GRHL2: variants seen among roughly 807,000 people sequenced by gnomAD.
GRHL2 encodes grainyhead like transcription factor 2.
Under a neutral mutation model 83.8 loss-of-function variants are expected in GRHL2, and 21 were observed. That is an observed-to-expected ratio of 0.25 (90% CI 0.18 to 0.36). The LOEUF (loss-of-function observed/expected upper bound fraction) is 0.36, where lower values mean the gene tolerates loss of function less well. Ranked by LOEUF, GRHL2 falls within the 10% of genes least tolerant of loss-of-function variation. The pLI, the probability that GRHL2 is intolerant of heterozygous loss-of-function variation, is 1.00. For synonymous variants in GRHL2, 280 were observed against 278.9 expected, an observed-to-expected ratio of 1.00 and a Z score of -0.04; for missense variants, 623 against 781.8, an observed-to-expected ratio of 0.80 and a Z score of 2.42.
At chr8:101,505,008 C>T (rs1423719401) in intron 1 of GRHL2, among the ~76,000 whole-genome samples, 1 of 146,092 alleles carries the variant, frequency 6.8e-6, no homozygotes, top group African/African-American at 2.5e-5. Flanking sequence ...GCTAAAAATA[C>T]AACAACAAAA....
At chr8:101,670,797 G>T (rs1221303646), downstream of GRHL2, among the ~76,000 whole-genome samples, 2 of 152,186 alleles carry the variant, frequency 1.3e-5, no homozygotes, top group Non-Finnish European at 2.9e-5. Context: ...GTGTCGTGAA[G>T]TTCAGTACCA....
At chr8:101,572,997 AAACCTTTATTT>A (rs1811857956) in intron 5 of GRHL2, among the ~76,000 whole-genome samples, 1 of 152,236 alleles carries the variant, frequency 6.6e-6, no homozygotes, top group South Asian at 2.1e-4. Context: ...GTGTTCCAAT[AAACCTTTATTT>A]ACAAAAACAG....
At position 101,559,353 on chromosome 8, in the gene GRHL2, C is replaced by CAAAAAAA. The variant is rs34176940; in HGVS notation, c.678+562_678+568dup. 6.0e-4 allele frequency among the ~76,000 whole-genome samples: 53 copies of CAAAAAAA among 88,938 alleles called. 2 individuals are homozygous for CAAAAAAA. The highest frequency in any genetic ancestry group is 2.1e-3 in the African/African-American group (52 of 24,198). The allele number at this position is 88,938 out of a possible 152,430, so 58.3% of individuals were successfully genotyped here. A position where few individuals can be genotyped will look rare whatever the true frequency, so the allele number is the denominator to read the frequency against. On this transcript the variant is annotated intron_variant, in intron 4 of 15. Transcript: ENST00000646743. ...TGAACTCCTGTCTCTACTAAAAATA[C>CAAAAAAA]AAAAAAAAAAAAAAAAAAAAAAAAA...
chr8:101,623,725 A>C (rs1813011282), intron 9 of GRHL2, among the ~76,000 whole-genome samples: 1 of 152,162 alleles, frequency 6.6e-6, no homozygotes. Context: ...TTTACAGTAC[A>C]CAGTAAAACA....
At position 101,669,164 on chromosome 8, in the gene GRHL2, C is replaced by A. The variant is rs536914437; in HGVS notation, c.*2461C>A. 1 of 150,934 alleles carries A rather than the reference C, an allele frequency of 6.6e-6. No individual in the cohort carries two copies. Among genetic ancestry groups the A allele is most frequent in the African/African-American group, 2.4e-5 (1 of 41,116 alleles). The allele number at this position is 150,934 out of a possible 1,614,324, so 9.3% of individuals were successfully genotyped here. Reference sequence around the variant, plus strand: ...ACTCCAAAGAGATAGGAAAACTTGCCGCCTCTTCTTTTTTGTCCCTTAATC... The same window carrying A: ...ACTCCAAAGAGATAGGAAAACTTGCAGCCTCTTCTTTTTTGTCCCTTAATC... On this transcript the variant is annotated 3_prime_UTR_variant, in exon 16 of 16. Coordinates refer to ENST00000646743, the MANE Select transcript of GRHL2 (RefSeq NM_024915.4).
chr8:101,652,365 GTGTGTCTGA>G (rs1813653160), intron 14 of GRHL2, among the ~76,000 whole-genome samples: 1 of 65,150 alleles, frequency 1.5e-5, no homozygotes, highest in Non-Finnish European at 2.8e-5. Context: ...TGTGGTGTGT[GTGTGTCTGA>G]TGTGTGTGTG....
At chr8:101,580,225 A>G (rs1183323001) in intron 7 of GRHL2, among the ~76,000 whole-genome samples, 1 of 152,202 alleles carries the variant, frequency 6.6e-6, no homozygotes, top group African/African-American at 2.4e-5. Context: ...ATATTTTGAT[A>G]CAGGCATACA....
intron 5 of GRHL2, among the ~76,000 whole-genome samples, chr8:101,571,491 A>T (rs1285032819): frequency 9.4e-5 from 1 of 10,680 alleles, no homozygotes; most frequent in African/African-American, 3.5e-4. Context: ...CCCATTACAT[A>T]AAAAAAAAAA....
At position 101,509,173 on chromosome 8, in the gene GRHL2, T is replaced by TCTTTCTTTCTTTC. The variant is rs377452481; in HGVS notation, c.20+16384_20+16385insCTTTCTTTCTTTC. Among the ~76,000 whole-genome samples, 16 of 22,860 alleles carry TCTTTCTTTCTTTC rather than the reference T, an allele frequency of 7.0e-4. 1 individual carries two copies. Among genetic ancestry groups the TCTTTCTTTCTTTC allele is most frequent in the South Asian group, 4.5e-3 (2 of 446 alleles). The allele number at this position is 22,860 out of a possible 152,430, so 15.0% of individuals were successfully genotyped here. ...TCCTTCCTTCCTTTCTTTCTTTCTT[T>TCTTTCTTTCTTTC]TTCTTTCTTTCTTTTCTCTCTTTCT... is the stretch of plus-strand genomic sequence containing the variant. On this transcript the variant is annotated intron_variant, in intron 1 of 15. Coordinates refer to ENST00000646743, the MANE Select transcript of GRHL2 (RefSeq NM_024915.4).
chr8:101,651,311 A>T (rs779164049), intron 14 of GRHL2, among the ~76,000 whole-genome samples: 1 of 152,238 alleles, frequency 6.6e-6, no homozygotes, highest in Non-Finnish European at 1.5e-5. Flanking sequence ...GCTTAAATGC[A>T]TATTCTCTGA....
At chr8:101,676,801 G>C in the GRHL2 span, among the ~76,000 whole-genome samples, 1 of 152,068 alleles carries the variant, frequency 6.6e-6, no homozygotes, top group South Asian at 2.1e-4. Flanking sequence ...GCAAAGACTT[G>C]GAACCAACCC....
In GRHL2 at chr8:101,543,368, G is replaced by A; in HGVS notation, c.148G>A (p.Ala50Thr). 6.2e-7 allele frequency: 1 copy of A among 1,614,124 alleles called. No individual in the cohort carries two copies. The highest frequency in any genetic ancestry group is 8.5e-7 in the Non-Finnish European group (1 of 1,179,978). ...GAATCCCCTGACAGCAGCCACCAAG[G>A]CCATGATGAGCATTAATGGTGATGA... is the stretch of plus-strand genomic sequence containing the variant. ...LENPLTAATK[A>T]MMSINGDEDS... is the part of the protein sequence containing the mutation. Residue 50 changes from alanine to threonine, a missense_variant, in exon 2 of 16, where the codon GCC (alanine) becomes ACC (threonine). Ala to Thr is a moderately conservative substitution (Grantham distance 58). This residue lies in a region of GRHL2 where 11 missense variants were observed against 46.1 expected (regional missense o/e 0.24). Coordinates refer to ENST00000646743, the MANE Select transcript of GRHL2 (RefSeq NM_024915.4).
chr8:101,495,639 A>C (rs1810084707), intron 1 of GRHL2, among the ~76,000 whole-genome samples: 1 of 152,188 alleles, frequency 6.6e-6, no homozygotes, highest in Admixed American at 6.5e-5. Context: ...TGATACTCAC[A>C]GGTGTTTTTC....
intron 7 of GRHL2, among the ~76,000 whole-genome samples, chr8:101,579,612 A>G (rs1812007899): frequency 6.6e-6 from 1 of 152,198 alleles, no homozygotes; most frequent in South Asian, 2.1e-4. Flanking sequence ...CCCAATCTCA[A>G]CCTGACATCT....
At chr8:101,567,079 C>G (rs1772580915) in intron 4 of GRHL2, among the ~76,000 whole-genome samples, 1 of 152,128 alleles carries the variant, frequency 6.6e-6, no homozygotes, top group African/African-American at 2.4e-5. Context: ...TATGATTTCC[C>G]TACAGTTAAA....
At chr8:101,571,582 G>A (rs1370122689) in intron 5 of GRHL2, among the ~76,000 whole-genome samples, 1 of 151,804 alleles carries the variant, frequency 6.6e-6, no homozygotes, top group Non-Finnish European at 1.5e-5. Flanking sequence ...ATTTCAGGCA[G>A]AATTGAACTC....
intron 4 of GRHL2, among the ~76,000 whole-genome samples, chr8:101,566,838 C>T (rs1430796026): frequency 6.6e-6 from 1 of 151,936 alleles, no homozygotes; most frequent in Non-Finnish European, 1.5e-5. Flanking sequence ...AGAATGCCTG[C>T]ACACAGTTTG....
intron 8 of GRHL2, among the ~76,000 whole-genome samples, chr8:101,605,897 ATC>A: frequency 6.6e-6 from 1 of 152,028 alleles, no homozygotes; most frequent in East Asian, 1.9e-4. Flanking sequence ...CATTTCCCCC[ATC>A]TCTCTCTAGC....
At chr8:101,501,007 T>G (rs879658932) in intron 1 of GRHL2, among the ~76,000 whole-genome samples, 11 of 152,244 alleles carry the variant, frequency 7.2e-5, no homozygotes, top group Non-Finnish European at 1.5e-4. Flanking sequence ...ATATTATTTG[T>G]AAAAAGAGCA....
Sources: gnomAD v4.1 joint callset for allele counts (sites outside exome capture counted in the v4.1 genomes callset) on GRCh38, gnomAD v4.1.1 for gene constraint, gnomAD v4.1.1 regional missense constraint, MANE v1.5 for transcripts, NCBI Gene and HGNC (gene_info 2026-07-23, HGNC 2026-07-21) for gene names.